TP53I11: variants seen among roughly 807,000 people sequenced by gnomAD.
TP53I11 encodes the protein tumor protein p53 inducible protein 11, also known as tumor protein p53-inducible protein 11.
In TP53I11, 9 loss-of-function variants were observed where a neutral mutation model predicts 23.3. The ratio of observed to expected loss-of-function variants is 0.39; its 90% CI spans 0.23 to 0.67. The LOEUF is 0.67. Among genes scored for constraint, TP53I11 ranks in the 30% least tolerant of loss-of-function variants. The pLI is 0.48. For synonymous variants in TP53I11, 100 were observed against 106.1 expected (o/e 0.94, Z 0.35); for missense variants, 170 against 255.2 (o/e 0.67, Z 2.27).
intron 1 of TP53I11, among the ~76,000 whole-genome samples, chr11:44,945,771 G>A (rs1315282879): frequency 6.6e-6 from 1 of 152,166 alleles, no homozygotes; most frequent in East Asian, 1.9e-4. Context: ...CAGAGCCTCA[G>A]GCCCCCGGCC....
In TP53I11 at chr11:44,932,636, C is replaced by T. The variant is rs1026848889; in HGVS notation, c.*2248G>A. On this transcript the variant is annotated 3_prime_UTR_variant, in exon 7 of 7. Coordinates refer to ENST00000525680, the MANE Select transcript of TP53I11 (RefSeq NM_006034.5). ...CTGCCTCCTTCCCAACTGTAAATCT[C>T]CTTGCCTTAGAGTCCCCCTGCCCTC... 16 of 152,456 alleles carry T rather than the reference C, an allele frequency of 1.0e-4. No homozygotes were observed. The highest frequency in any genetic ancestry group is 3.9e-4 in the African/African-American group (16 of 41,454). 9.4% of individuals were successfully genotyped at this position (152,456 alleles called of 1,614,324 possible). A position where few individuals can be genotyped will look rare whatever the true frequency, so the allele number is the denominator to read the frequency against.
chr11:44,949,100 C>A (rs1011614346), intron 1 of TP53I11, among the ~76,000 whole-genome samples: 9 of 152,292 alleles, frequency 5.9e-5, no homozygotes, highest in African/African-American at 1.9e-4. Flanking sequence ...GCCTCAGGAA[C>A]AAGACGACCC....
At position 44,937,219 on chromosome 11, in the gene TP53I11, A is replaced by T. The variant is rs756548984; in HGVS notation, c.237+85T>A. The T allele has an allele frequency of 2.0e-6, 3 of 1,506,590 alleles. No homozygotes were observed. The African/African-American group carries it at 4.2e-5, about 21-fold the overall frequency. The allele number at this position is 1,506,590 out of a possible 1,614,324, so 93.3% of individuals were successfully genotyped here. ...ATGGGCCCCTGCACGAGGGGCCAGG[A>T]TGGAGGAGGCACCTCTGGTGAGCCA... is the stretch of plus-strand genomic sequence containing the variant. On this transcript the variant is annotated intron_variant, in intron 4 of 6. Transcript: ENST00000525680.
chr11:44,945,024 C>G (rs902524823), intron 1 of TP53I11, among the ~76,000 whole-genome samples: 1 of 152,210 alleles, frequency 6.6e-6, no homozygotes, highest in Admixed American at 6.5e-5. Flanking sequence ...GCTTAGGAAA[C>G]CTGACTGGCT....
At chr11:44,940,367 G>A (rs183951024) in intron 1 of TP53I11, 7 of 152,308 alleles carry the variant, frequency 4.6e-5, no homozygotes, top group African/African-American at 1.2e-4. Context: ...TCAAGACAAC[G>A]AGCAGTTCCA....
Position 44,933,519 on chromosome 11 carries a change from G to T in TP53I11, c.*1365C>A, listed in dbSNP as rs376006140. 10 of 154,434 alleles carry T rather than the reference G, an allele frequency of 6.5e-5. No individual in the cohort carries two copies. The highest frequency in any genetic ancestry group is 2.4e-4 in the African/African-American group (10 of 41,354). 9.6% of individuals were successfully genotyped at this position (154,434 alleles called of 1,614,324 possible). A position where few individuals can be genotyped will look rare whatever the true frequency, so the allele number is the denominator to read the frequency against. ...GAGAAGGTTGGGATCAGGGACTAAC[G>T]GGGTGTACAGCACAGGCTGGTGGGC... On this transcript the variant is annotated 3_prime_UTR_variant, in exon 7 of 7. Coordinates refer to ENST00000525680, the MANE Select transcript of TP53I11 (RefSeq NM_006034.5).
At chr11:44,935,044 CAG>C (rs771221524) in intron 6 of TP53I11, 27 bp from the exon 7 acceptor site, 4 of 1,612,106 alleles carry the variant, frequency 2.5e-6, no homozygotes, top group Non-Finnish European at 3.4e-6. Flanking sequence ...AGCAAGGCCA[CAG>C]GGTCAGAGGA....
intron 6 of TP53I11, 99 bp from the exon 7 acceptor site, chr11:44,935,116 C>A: frequency 6.4e-7 from 1 of 1,557,284 alleles, no homozygotes; most frequent in Non-Finnish European, 8.7e-7. Context: ...GTCTCCCTGA[C>A]TTTGCTCTGA....
At position 44,936,850 on chromosome 11, in the gene TP53I11, T is replaced by C. The variant is rs974736566; in HGVS notation, c.287A>G (p.Gln96Arg). Residue 96 changes from glutamine (Q) to arginine (R), a missense_variant, in exon 5 of 7, where the codon CAG (glutamine) becomes CGG (arginine). Gln to Arg is a conservative substitution (Grantham distance 43, BLOSUM62 1). Transcript: ENST00000525680. The surrounding 1 kb of genome is among the most constrained non-coding windows in gnomAD (Gnocchi z 4.4). ...QLYDAVFDGA[Q>R]VTSKTPIRLY... Reference sequence around the variant, plus strand: ...GCGGATGGGGGTCTTGCTGGTCACCTGGGCTCCATCAAAGACCGCATCATA... The same window carrying C: ...GCGGATGGGGGTCTTGCTGGTCACCCGGGCTCCATCAAAGACCGCATCATA... The C allele has an allele frequency of 1.2e-5, 20 of 1,609,632 alleles. No individual in the cohort carries two copies. Among genetic ancestry groups the C allele is most frequent in the Admixed American group, 1.7e-5 (1 of 59,552 alleles).
chr11:44,943,430 C>G lies in TP53I11; in HGVS notation c.-31-5064G>C, dbSNP rs1359766711. 3.3e-5 allele frequency among the ~76,000 whole-genome samples: 5 copies of G among 152,342 alleles called. No individual in the cohort carries two copies. The East Asian group carries it at 9.7e-4, about 29-fold the overall frequency. ...TCCTCCACCCACATCACCTGTCTGG[C>G]AAGAAGGGAGGACATGGCTCCTAGG... On this transcript the variant is annotated intron_variant, in intron 1 of 6. Transcript: ENST00000525680.
At chr11:44,935,418 A>T in intron 6 of TP53I11, 143 bp downstream of exon 6, 1 of 713,440 alleles carries the variant, frequency 1.4e-6, no homozygotes, top group Non-Finnish European at 2.4e-6. Context: ...AAACACAGCC[A>T]GGTGAGTCCT....
intron 1 of TP53I11, among the ~76,000 whole-genome samples, chr11:44,943,666 G>A (rs970458312): frequency 2.0e-5 from 3 of 152,164 alleles, no homozygotes; most frequent in African/African-American, 7.2e-5. Flanking sequence ...GCCCTCCCAG[G>A]GCACTGGGTC....
chr11:44,943,688 C>G (rs1382240211), intron 1 of TP53I11, among the ~76,000 whole-genome samples: 1 of 152,222 alleles, frequency 6.6e-6, no homozygotes, highest in African/African-American at 2.4e-5. Flanking sequence ...TCATCCTCCT[C>G]TGGACTCTCA....
chr11:44,944,915 TC>T (rs1411339033), intron 1 of TP53I11, among the ~76,000 whole-genome samples: 2 of 152,192 alleles, frequency 1.3e-5, no homozygotes, highest in Non-Finnish European at 2.9e-5. Flanking sequence ...CTGGAGGACT[TC>T]CCCAACCCCC....
rs775214109 is a variant in TP53I11 at position 44,937,291 on chromosome 11, G to A, written c.237+13C>T. ...ACGGGGCCAGATCTCAGGGGCTGGG[G>A]GTGGGGGCTCACCATGATGGCAATG... On this transcript the variant is annotated intron_variant, in intron 4 of 6. Coordinates refer to ENST00000525680, the MANE Select transcript of TP53I11 (RefSeq NM_006034.5). The A allele has an allele frequency of 3.9e-6, 6 of 1,519,194 alleles. No homozygotes were observed. The African/African-American group carries it at 4.2e-5, about 11-fold the overall frequency. 94.1% of individuals were successfully genotyped at this position (1,519,194 alleles called of 1,614,324 possible).
intron 1 of TP53I11, among the ~76,000 whole-genome samples, chr11:44,949,478 G>T (rs1280493988): frequency 1.3e-5 from 2 of 152,212 alleles, no homozygotes; most frequent in Non-Finnish European, 2.9e-5. Flanking sequence ...CTTTGGAGGA[G>T]CCTGGGGGTT....
chr11:44,936,321 A>T lies in TP53I11; in HGVS notation c.334+482T>A. The T allele has an allele frequency of 1.7e-6, 2 of 1,199,810 alleles. No individual in the cohort carries two copies. The highest frequency in any genetic ancestry group is 8.6e-5 in the South Asian group (2 of 23,374). The allele number at this position is 1,199,810 out of a possible 1,614,324, so 74.3% of individuals were successfully genotyped here. On this transcript the variant is annotated intron_variant, in intron 5 of 6. Coordinates refer to ENST00000525680, the MANE Select transcript of TP53I11 (RefSeq NM_006034.5). The surrounding 1 kb of genome is among the most constrained non-coding windows in gnomAD (Gnocchi z 4.4). ...TAGAATATTTCGTAGAAATAGAGGC[A>T]TATTACCTATGCTGAGCTTTAAAAA...
chr11:44,946,691 C>A (rs189107193), intron 1 of TP53I11, among the ~76,000 whole-genome samples: 1 of 152,366 alleles, frequency 6.6e-6, no homozygotes, highest in East Asian at 1.9e-4. Flanking sequence ...TCCTGAGTCA[C>A]TGGGCTCGGA....
At chr11:44,943,675 T>C (rs1862115992) in intron 1 of TP53I11, among the ~76,000 whole-genome samples, 1 of 152,162 alleles carries the variant, frequency 6.6e-6, no homozygotes, top group Non-Finnish European at 1.5e-5. Flanking sequence ...GGGCACTGGG[T>C]CCTCATCCTC....
Sources: gnomAD v4.1 joint callset for allele counts (sites outside exome capture counted in the v4.1 genomes callset) on GRCh38, gnomAD v4.1.1 for gene constraint, Gnocchi (gnomAD v3.1) non-coding constraint, MANE v1.5 for transcripts, NCBI Gene and HGNC (gene_info 2026-07-23, HGNC 2026-07-21) for gene names.